Variants in RILPL1 observed in about 807,000 individuals in gnomAD.
The protein encoded by RILPL1 is Rab interacting lysosomal protein like 1.
In RILPL1, 33 loss-of-function variants were observed where a neutral mutation model predicts 50.3. The observed-to-expected ratio is 0.66, with a 90% CI of 0.50 to 0.88. The LOEUF (loss-of-function observed/expected upper bound fraction) is 0.88, where lower values mean the gene tolerates loss of function less well. RILPL1 is among the 40% of genes least tolerant of loss of function. RILPL1 has a pLI of 0.00. For synonymous variants in RILPL1, 205 were observed against 228.6 expected, an observed-to-expected ratio of 0.90 and a Z score of 0.93; for missense variants, 418 against 542.5, an observed-to-expected ratio of 0.77 and a Z score of 2.28.
chr12:123,500,720 A>G (rs538275139), intron 2 of RILPL1, among the ~76,000 whole-genome samples: 2 of 152,228 alleles, frequency 1.3e-5, no homozygotes, highest in Admixed American at 1.3e-4. Context: ...TCCACCCTAT[A>G]AAGTAGGGTG....
At chr12:123,490,675 C>T (rs1882632765) in intron 4 of RILPL1, among the ~76,000 whole-genome samples, 1 of 151,764 alleles carries the variant, frequency 6.6e-6, no homozygotes, top group Non-Finnish European at 1.5e-5. Flanking sequence ...CGGGCTTAAA[C>T]AATCCTCCTG....
At chr12:123,472,774 C>T in intron 6 of RILPL1, 92 bp from the exon 7 acceptor site, 5 of 1,364,464 alleles carry the variant, frequency 3.7e-6, no homozygotes, top group Non-Finnish European at 5.0e-6. Flanking sequence ...TAGCAGCAAA[C>T]TTAGAAGGGA....
intron 1 of RILPL1, among the ~76,000 whole-genome samples, chr12:123,528,882 C>T (rs765690228): frequency 2.0e-5 from 3 of 152,196 alleles, no homozygotes; most frequent in South Asian, 4.2e-4. Flanking sequence ...GCCTCCATAC[C>T]AGCCCAGTGG....
intron 4 of RILPL1, among the ~76,000 whole-genome samples, chr12:123,496,444 C>T (rs1013060384): frequency 6.6e-5 from 10 of 152,162 alleles, no homozygotes; most frequent in Admixed American, 1.3e-4. Flanking sequence ...GACTTGAACC[C>T]ACCTGACTGT....
intron 2 of RILPL1, among the ~76,000 whole-genome samples, chr12:123,523,268 C>T (rs947170145): frequency 6.6e-6 from 1 of 152,196 alleles, no homozygotes; most frequent in Admixed American, 6.5e-5. Flanking sequence ...AGAGGGGAAC[C>T]TGTGACAGTT....
intron 4 of RILPL1, among the ~76,000 whole-genome samples, chr12:123,496,515 C>T (rs1015510941): frequency 6.6e-6 from 1 of 152,216 alleles, no homozygotes; most frequent in African/African-American, 2.4e-5. Context: ...CGTCTGCAAA[C>T]TTTCAACAGC....
rs753410387 is a variant in RILPL1, at chr12:123,499,934, C to CT, written c.461-399dup. On this transcript the variant is annotated intron_variant, in intron 2 of 6. Coordinates refer to ENST00000376874, the MANE Select transcript of RILPL1 (RefSeq NM_178314.5). ...TCCATCCCTGACCCACCATGTATTA[C>CT]TTTTTTTTTTTTTTTGAGACGGAGT... Among the ~76,000 whole-genome samples the CT allele has an allele frequency of 2.3e-3, 327 of 144,762 alleles. 1 individual carries two copies. Among genetic ancestry groups the CT allele is most frequent in the African/African-American group, 5.4e-3 (214 of 39,870 alleles). 95.0% of individuals were successfully genotyped at this position (144,762 alleles called of 152,430 possible).
At chr12:123,517,490 C>T (rs994917297) in intron 2 of RILPL1, among the ~76,000 whole-genome samples, 6 of 149,858 alleles carry the variant, frequency 4.0e-5, no homozygotes, top group Admixed American at 2.0e-4. Context: ...GTGGCAATCT[C>T]GGCTCACTGC....
chr12:123,512,553 GTGTGTGAGGTCTGTA>G (rs1884398341), intron 2 of RILPL1, among the ~76,000 whole-genome samples: 1 of 146,990 alleles, frequency 6.8e-6, no homozygotes, highest in South Asian at 2.2e-4. Flanking sequence ...TGTGTGGTGT[GTGTGTGAGGTCTGTA>G]TGTGTGTGAG....
chr12:123,523,441 G>C, intron 2 of RILPL1, 54 bp downstream of exon 2: 1 of 1,605,970 alleles, frequency 6.2e-7, no homozygotes, highest in Non-Finnish European at 8.5e-7. Flanking sequence ...GCTGATGTGG[G>C]CAATAAGAAA....
chr12:123,476,467 G>A (rs983725160), intron 6 of RILPL1, among the ~76,000 whole-genome samples: 4 of 151,100 alleles, frequency 2.6e-5, no homozygotes, highest in African/African-American at 9.7e-5. Flanking sequence ...AAAAGAAATA[G>A]GGTCCTTACA....
At position 123,472,585 on chromosome 12, in the gene RILPL1, C is replaced by T. The variant is rs773036809; in HGVS notation, c.1165G>A (p.Asp389Asn). ...TGTCCTTGCTCTGTGTAACCGTCAT[C>T]GCGGTGGGTGTTTGCCCACTGTCCA... The part of the protein sequence containing the change: ...SFGQWANTHR[D>N]DGYTEQGQEA... The change falls in exon 7 of 7, where the codon GAT becomes AAT. Residue 389 changes from aspartate (D) to asparagine (N), a missense_variant. By Grantham distance (23) the Asp-to-Asn change is conservative (BLOSUM62 1). Coordinates refer to ENST00000376874, the MANE Select transcript of RILPL1 (RefSeq NM_178314.5). 2.8e-5 allele frequency: 44 copies of T among 1,558,812 alleles called. No individual in the cohort carries two copies. Among genetic ancestry groups the T allele is most frequent in the South Asian group, 1.3e-4 (11 of 84,454 alleles).
At chr12:123,487,805 A>G (rs968424522) in intron 4 of RILPL1, among the ~76,000 whole-genome samples, 1 of 152,210 alleles carries the variant, frequency 6.6e-6, no homozygotes, top group African/African-American at 2.4e-5. Flanking sequence ...TTGCTGGGTC[A>G]TGGGCTAATT....
At position 123,485,547 on chromosome 12, in the gene RILPL1, C is replaced by A; in HGVS notation, c.974+86G>T. 1 of 1,277,084 alleles carries A rather than the reference C, an allele frequency of 7.8e-7. No individual in the cohort carries two copies. The highest frequency in any genetic ancestry group is 1.3e-5 in the South Asian group (1 of 74,128). The allele number at this position is 1,277,084 out of a possible 1,614,324, so 79.1% of individuals were successfully genotyped here. A position where few individuals can be genotyped will look rare whatever the true frequency, so the allele number is the denominator to read the frequency against. On this transcript the variant is annotated intron_variant, in intron 5 of 6. Coordinates refer to ENST00000376874, the MANE Select transcript of RILPL1 (RefSeq NM_178314.5). The surrounding 1 kb of genome is among the most constrained non-coding windows in gnomAD (Gnocchi z 4.0). The stretch of plus-strand genomic sequence containing the variant: ...AAACACTGATGAAATGCTTGTCTTC[C>A]AGGGGGTAAGAAGGTAACTGTACAG...
intron 6 of RILPL1, among the ~76,000 whole-genome samples, chr12:123,481,847 G>A (rs549992719): frequency 2.0e-5 from 3 of 151,790 alleles, no homozygotes; most frequent in South Asian, 2.1e-4. Flanking sequence ...CTGAGCCACC[G>A]AGCCCAGCCC....
intron 6 of RILPL1, among the ~76,000 whole-genome samples, chr12:123,478,158 G>A (rs755420397): frequency 1.3e-5 from 2 of 151,416 alleles, no homozygotes; most frequent in Non-Finnish European, 2.9e-5. Flanking sequence ...CACCATGCCC[G>A]GCCAATTAAA....
intron 6 of RILPL1, among the ~76,000 whole-genome samples, chr12:123,480,229 C>T (rs536244807): frequency 7.6e-5 from 11 of 145,524 alleles, no homozygotes; most frequent in South Asian, 6.5e-4. Context: ...GGTGTGATCT[C>T]GGCTCACTGC....
intron 2 of RILPL1, among the ~76,000 whole-genome samples, chr12:123,520,950 A>T (rs1218873167): frequency 6.6e-6 from 1 of 152,178 alleles, no homozygotes; most frequent in Non-Finnish European, 1.5e-5. Flanking sequence ...CCTGGGTCAA[A>T]GGGTCCCAGA....
At chr12:123,479,166 C>A (rs760854121) in intron 6 of RILPL1, among the ~76,000 whole-genome samples, 30 of 152,114 alleles carry the variant, frequency 2.0e-4, no homozygotes, top group Non-Finnish European at 4.1e-4. Context: ...GCCTTCCCAG[C>A]AGTTTGATCT....
Sources: gnomAD v4.1 joint callset for allele counts (sites outside exome capture counted in the v4.1 genomes callset) on GRCh38, gnomAD v4.1.1 for gene constraint, Gnocchi (gnomAD v3.1) non-coding constraint, MANE v1.5 for transcripts, NCBI Gene and HGNC (gene_info 2026-07-23, HGNC 2026-07-21) for gene names.